ADRA1A: variants seen among roughly 807,000 people sequenced by gnomAD.
ADRA1A encodes adrenoceptor alpha 1A.
A neutral mutation model predicts 29.6 loss-of-function variants in ADRA1A; 31 were observed. The observed-to-expected ratio is 1.05, with a 90% CI of 0.79 to 1.41. The LOEUF (loss-of-function observed/expected upper bound fraction) is 1.41. Among genes scored for constraint, ADRA1A ranks in the 40% most tolerant of loss-of-function variants. The probability of loss-of-function intolerance (pLI) is 0.00; values close to 1 mark genes in which losing one functional copy is unlikely to be tolerated. For synonymous variants in ADRA1A, 311 were observed against 254.3 expected (o/e 1.22, Z -2.12); for missense variants, 619 against 601.1 (o/e 1.03, Z -0.31).
rs753725490 is a variant in ADRA1A at position 26,864,272 on chromosome 8, G to A, written c.698C>T (p.Thr233Met). Residue 233 changes from threonine (T) to methionine (M), a missense_variant, in exon 2 of 3, where the codon ACG (threonine) becomes ATG (methionine). Physicochemically the swap from Thr to Met is moderately conservative, Grantham distance 81 (BLOSUM62 -1). Transcript: ENST00000380573. This position sits in a 1 kb window ranked among gnomAD's most constrained non-coding sequence, Gnocchi z 8.1. Reference protein sequence around the residue: ...KTDKSDSEQVTLRIHRKNAPA... With the variant: ...KTDKSDSEQVMLRIHRKNAPA... ...GGCGTTTTTCCGATGGATGCGGAGC[G>A]TCACTTGCTCCGAGTCCGACTTGTC... The A allele has an allele frequency of 6.2e-7, 1 of 1,614,136 alleles. No individual in the cohort carries two copies. Among genetic ancestry groups the A allele is most frequent in the Non-Finnish European group, 8.5e-7 (1 of 1,180,034 alleles).
At chr8:26,797,894 G>A (rs1200621738) in intron 2 of ADRA1A, among the ~76,000 whole-genome samples, 2 of 152,146 alleles carry the variant, frequency 1.3e-5, no homozygotes, top group African/African-American at 4.8e-5. Flanking sequence ...TCTTAAACAT[G>A]AAGTAGAAGG....
intron 2 of ADRA1A, among the ~76,000 whole-genome samples, chr8:26,800,946 A>G (rs1808530694): frequency 6.6e-6 from 1 of 152,216 alleles, no homozygotes; most frequent in Admixed American, 6.5e-5. Context: ...ACTGAGATTC[A>G]TTCTAGGGAT....
chr8:26,811,628 G>T (rs751699306), intron 2 of ADRA1A, among the ~76,000 whole-genome samples: 3 of 152,174 alleles, frequency 2.0e-5, no homozygotes, highest in African/African-American at 7.2e-5. Flanking sequence ...GAGATTTTGC[G>T]ATCACTCTTA....
Position 26,860,740 on chromosome 8 carries a change from CTT to C in ADRA1A, c.883+3345_883+3346del, listed in dbSNP as rs1813390514. Among the ~76,000 whole-genome samples the C allele has an allele frequency of 6.6e-6, 1 of 152,136 alleles. No individual in the cohort carries two copies. Among genetic ancestry groups the C allele is most frequent in the Admixed American group, 6.5e-5 (1 of 15,286 alleles). On this transcript the variant is annotated intron_variant, in intron 2 of 2. Transcript: ENST00000380573. The surrounding 1 kb of genome is among the most constrained non-coding windows in gnomAD (Gnocchi z 4.7). Reference sequence around the variant, plus strand: ...CTCTACTTGCCTCAGGGCTCACACACTTTGCTCTCCTTGTCACTTCCCAATGC... The same window carrying C: ...CTCTACTTGCCTCAGGGCTCACACACTGCTCTCCTTGTCACTTCCCAATGC...
rs1255156476 is a variant in ADRA1A, at chr8:26,770,458, G to C, written c.1092C>G (p.Ser364Arg). The part of the protein sequence containing the change: ...HALGYTLHPP[S>R]QAVEGQHKDM... ...CCTTGTGTTGCCCTTCCACGGCCTG[G>C]CTGGGCGGGTGCAGGGTGTAGCCCA... The change falls in exon 3 of 3, where the codon AGC becomes AGG. Residue 364 changes from serine (S) to arginine (R), a missense_variant. Ser to Arg is a moderately radical substitution (Grantham distance 110). Coordinates refer to ENST00000380573, the MANE Select transcript of ADRA1A (RefSeq NM_000680.4). The C allele has an allele frequency of 1.2e-6, 2 of 1,614,094 alleles. No individual in the cohort carries two copies. Among genetic ancestry groups the C allele is most frequent in the Non-Finnish European group, 8.5e-7 (1 of 1,180,040 alleles).
chr8:26,821,674 T>C lies in ADRA1A; in HGVS notation c.883+42413A>G, dbSNP rs1360493334. ...ATCACAACCAGGATATTGACAACGATACAGTCAAGATACAGAATAGTTCCA... is the reference window on the plus strand; with the variant it reads ...ATCACAACCAGGATATTGACAACGACACAGTCAAGATACAGAATAGTTCCA... On this transcript the variant is annotated intron_variant, in intron 2 of 2. Coordinates refer to ENST00000380573, the MANE Select transcript of ADRA1A (RefSeq NM_000680.4). The surrounding 1 kb of genome is among the most constrained non-coding windows in gnomAD (Gnocchi z 5.6). Among the ~76,000 whole-genome samples, 1 of 152,136 alleles carries C rather than the reference T, an allele frequency of 6.6e-6. No individual in the cohort carries two copies. The highest frequency in any genetic ancestry group is 6.5e-5 in the Admixed American group (1 of 15,282).
At chr8:26,813,043 G>A (rs543981076) in intron 2 of ADRA1A, among the ~76,000 whole-genome samples, 3 of 148,944 alleles carry the variant, frequency 2.0e-5, no homozygotes, top group South Asian at 2.1e-4. Context: ...TCAGAGTTGC[G>A]CTATCGTCTA....
downstream of ADRA1A, among the ~76,000 whole-genome samples, chr8:26,767,273 A>G (rs1805841906): frequency 6.6e-6 from 1 of 152,248 alleles, no homozygotes; most frequent in Non-Finnish European, 1.5e-5. Context: ...AAATTCCTCA[A>G]ACTCCAAATA....
chr8:26,843,157 T>C (rs1234219793), intron 2 of ADRA1A, among the ~76,000 whole-genome samples: 1 of 152,206 alleles, frequency 6.6e-6, no homozygotes, highest in African/African-American at 2.4e-5. Context: ...GTGCTATCCT[T>C]TTCCCCAGAT....
At chr8:26,793,249 T>C (rs1221738423) in intron 2 of ADRA1A, among the ~76,000 whole-genome samples, 2 of 152,110 alleles carry the variant, frequency 1.3e-5, no homozygotes, top group Non-Finnish European at 2.9e-5. Flanking sequence ...GATAAAATTT[T>C]ACTTGAAGTA....
At chr8:26,750,574 G>T (rs904490057) in intron 2 of ADRA1A, among the ~76,000 whole-genome samples, 5 of 152,138 alleles carry the variant, frequency 3.3e-5, no homozygotes, top group Non-Finnish European at 2.9e-5. Flanking sequence ...CTTCCCAAAG[G>T]CCCCACCTCC....
chr8:26,766,158 AC>A (rs1235831299), downstream of ADRA1A: 1 of 1,590,256 alleles, frequency 6.3e-7, no homozygotes, highest in Non-Finnish European at 8.6e-7. Context: ...CTCTGTCCAA[AC>A]AAAAAAAAAG....
chr8:26,853,458 C>A (rs522315), intron 2 of ADRA1A, among the ~76,000 whole-genome samples: 107,224 of 152,068 alleles, frequency 0.71, 38,191 homozygotes, highest in African/African-American at 0.78. Context: ...CAGGCCTTAA[C>A]CTAGAGAATA....
chr8:26,776,973 C>T (rs1347083276), intron 2 of ADRA1A, among the ~76,000 whole-genome samples: 1 of 152,162 alleles, frequency 6.6e-6, no homozygotes, highest in Non-Finnish European at 1.5e-5. Context: ...CACCAACAGG[C>T]CAAGGAGCTC....
intron 2 of ADRA1A, chr8:26,859,162 C>A (rs757750160): frequency 1.6e-6 from 2 of 1,290,158 alleles, no homozygotes; most frequent in Non-Finnish European, 2.0e-6. Context: ...AGACCGACAG[C>A]CCTTTTCTCC....
At chr8:26,847,948 T>C (rs577306557) in intron 2 of ADRA1A, among the ~76,000 whole-genome samples, 2 of 152,306 alleles carry the variant, frequency 1.3e-5, no homozygotes, top group African/African-American at 4.8e-5. Context: ...TGTCTTGGAT[T>C]TCTGAGTGGG....
rs967184157 is a variant in ADRA1A, at chr8:26,775,531, C to A, written c.884-4865G>T. 6.6e-6 allele frequency among the ~76,000 whole-genome samples: 1 copy of A among 152,120 alleles called. No homozygotes were observed. ...TAGGGGCTCCTACTTCTTTGGTCACCGTAGCTATGGTTTTCTCCTCAACAA... is the reference window on the plus strand; with the variant it reads ...TAGGGGCTCCTACTTCTTTGGTCACAGTAGCTATGGTTTTCTCCTCAACAA... On this transcript the variant is annotated intron_variant, in intron 2 of 2. Coordinates refer to ENST00000380573, the MANE Select transcript of ADRA1A (RefSeq NM_000680.4). This position sits in a 1 kb window ranked among gnomAD's most constrained non-coding sequence, Gnocchi z 4.1.
At chr8:26,840,345 C>A (rs942917816) in intron 2 of ADRA1A, among the ~76,000 whole-genome samples, 1 of 152,114 alleles carries the variant, frequency 6.6e-6, no homozygotes. Flanking sequence ...CAATATTTTT[C>A]TTTCTGGTAT....
In ADRA1A at chr8:26,769,391, G is replaced by A; in HGVS notation, c.*758C>T. 1.0e-6 allele frequency: 1 copy of A among 985,422 alleles called. No individual in the cohort carries two copies. The allele number at this position is 985,422 out of a possible 1,614,324, so 61.0% of individuals were successfully genotyped here. ...TTTCTCTCTAGTAGTTAAATTGAAAGAATGATGCTCAGGTCTATTGTTTTC... is the reference window on the plus strand; with the variant it reads ...TTTCTCTCTAGTAGTTAAATTGAAAAAATGATGCTCAGGTCTATTGTTTTC... On this transcript the variant is annotated 3_prime_UTR_variant, in exon 3 of 3. Transcript: ENST00000380573.
Sources: gnomAD v4.1 joint callset for allele counts (sites outside exome capture counted in the v4.1 genomes callset) on GRCh38, gnomAD v4.1.1 for gene constraint, Gnocchi (gnomAD v3.1) non-coding constraint, MANE v1.5 for transcripts, NCBI Gene and HGNC (gene_info 2026-07-23, HGNC 2026-07-21) for gene names.